STXBP5L: variants seen among roughly 807,000 people sequenced by gnomAD.
STXBP5L encodes the protein syntaxin binding protein 5L.
STXBP5L carries 65 observed loss-of-function variants against 144.5 expected under a neutral mutation model. The ratio of observed to expected loss-of-function variants is 0.45; its 90% CI spans 0.37 to 0.55. STXBP5L has a LOEUF of 0.55. STXBP5L is among the 20% of genes least tolerant of loss of function. STXBP5L has a pLI of 0.00. For missense variants in STXBP5L, 1,298 were observed against 1,405.5 expected (o/e 0.92, Z 1.22); for synonymous variants, 505 against 469.6 (o/e 1.08, Z -0.97).
chr3:121,054,948 G>A (rs1362440705), intron 5 of STXBP5L, among the ~76,000 whole-genome samples: 1 of 152,086 alleles, frequency 6.6e-6, no homozygotes. Flanking sequence ...TGAAGGCAAT[G>A]TTCTGGCCCC....
chr3:121,333,306 C>T (rs1280111943), intron 20 of STXBP5L, among the ~76,000 whole-genome samples: 1 of 151,948 alleles, frequency 6.6e-6, no homozygotes, highest in East Asian at 1.9e-4. Context: ...AGGCAGAAAT[C>T]AAGAAGTTCT....
Position 121,126,461 on chromosome 3 carries a change from A to C in STXBP5L, c.669+4757A>C, listed in dbSNP as rs193133515. On this transcript the variant is annotated intron_variant, in intron 7 of 26. Coordinates refer to ENST00000471454, the MANE Select transcript of STXBP5L (RefSeq NM_001308330.2). ...TGTCTAAAATAAGCAAACCTGTTGA[A>C]GGTACCAGGTGAAATGAATTAAACT... 5.0e-4 allele frequency among the ~76,000 whole-genome samples: 76 copies of C among 152,250 alleles called. No homozygotes were observed. In the East Asian group the frequency reaches 0.013, roughly 26 times the overall value.
At chr3:121,263,365 A>C (rs2050447919) in intron 18 of STXBP5L, among the ~76,000 whole-genome samples, 2 of 152,234 alleles carry the variant, frequency 1.3e-5, no homozygotes, top group African/African-American at 4.8e-5. Context: ...ACATGAGGAA[A>C]AACCAGCACA....
chr3:121,137,856 C>T (rs2045332434), intron 7 of STXBP5L, among the ~76,000 whole-genome samples: 1 of 152,104 alleles, frequency 6.6e-6, no homozygotes, highest in Non-Finnish European at 1.5e-5. Flanking sequence ...AACTTTTTTT[C>T]TGACATCCGG....
Position 121,195,456 on chromosome 3 carries a change from C to T in STXBP5L, c.878-10467C>T, listed in dbSNP as rs2047884573. Among the ~76,000 whole-genome samples the T allele has an allele frequency of 2.0e-5, 3 of 152,150 alleles. No homozygotes were observed. In the South Asian group the frequency reaches 6.2e-4, roughly 32 times the overall value. On this transcript the variant is annotated intron_variant, in intron 9 of 26. Coordinates refer to ENST00000471454, the MANE Select transcript of STXBP5L (RefSeq NM_001308330.2). Reference sequence around the variant, plus strand: ...CTTCTCCCCTCCCCTGCTTCACCCTCGCAACCACCATTCTACTTTCTCTAA... The same window carrying T: ...CTTCTCCCCTCCCCTGCTTCACCCTTGCAACCACCATTCTACTTTCTCTAA...
chr3:121,336,727 A>G (rs1209066851), intron 20 of STXBP5L, among the ~76,000 whole-genome samples: 1 of 152,210 alleles, frequency 6.6e-6, no homozygotes, highest in Non-Finnish European at 1.5e-5. Flanking sequence ...CACATCTAAC[A>G]TCTGACTCAG....
chr3:121,332,611 T>C (rs1015643763), intron 20 of STXBP5L, among the ~76,000 whole-genome samples: 2 of 151,994 alleles, frequency 1.3e-5, no homozygotes, highest in Non-Finnish European at 1.5e-5. Context: ...CCAAGAAATA[T>C]GGGATTACAT....
chr3:121,004,059 T>C (rs1399180704), intron 3 of STXBP5L, among the ~76,000 whole-genome samples: 1 of 152,032 alleles, frequency 6.6e-6, no homozygotes, highest in Non-Finnish European at 1.5e-5. Flanking sequence ...ATATGAACTT[T>C]AAAGTAGTTT....
intron 2 of STXBP5L, among the ~76,000 whole-genome samples, chr3:120,912,515 G>A (rs544058444): frequency 1.3e-5 from 2 of 151,408 alleles, no homozygotes; most frequent in East Asian, 3.9e-4. Flanking sequence ...ATGTTCGCTA[G>A]CCTTAAAAAA....
At chr3:121,338,833 C>G (rs1007039774) in intron 20 of STXBP5L, among the ~76,000 whole-genome samples, 42 of 151,968 alleles carry the variant, frequency 2.8e-4, no homozygotes, top group African/African-American at 9.7e-4. Context: ...TACCACCTCC[C>G]CAGCTTGAAT....
At chr3:121,113,399 C>A (rs934131170) in intron 5 of STXBP5L, among the ~76,000 whole-genome samples, 18 of 152,066 alleles carry the variant, frequency 1.2e-4, no homozygotes, top group Non-Finnish European at 2.6e-4. Flanking sequence ...ATTTCCTGTG[C>A]AACATTATTA....
chr3:121,100,014 A>G (rs1015188359), intron 5 of STXBP5L, among the ~76,000 whole-genome samples: 8 of 152,228 alleles, frequency 5.3e-5, no homozygotes, highest in African/African-American at 1.7e-4. Flanking sequence ...AGGACATTAC[A>G]TAATGATAAA....
At chr3:121,004,427 C>A (rs974183745) in intron 3 of STXBP5L, among the ~76,000 whole-genome samples, 6 of 151,806 alleles carry the variant, frequency 4.0e-5, no homozygotes, top group Admixed American at 3.9e-4. Context: ...CTGAAGTTGC[C>A]TATCAGCTTA....
At chr3:121,136,947 G>A (rs1421069262) in intron 7 of STXBP5L, among the ~76,000 whole-genome samples, 2 of 152,078 alleles carry the variant, frequency 1.3e-5, no homozygotes, top group East Asian at 3.9e-4. Context: ...GGGAGCTGGA[G>A]GCCATTATCC....
intron 3 of STXBP5L, among the ~76,000 whole-genome samples, chr3:120,964,918 A>G (rs1341147199): frequency 6.6e-6 from 1 of 152,096 alleles, no homozygotes; most frequent in African/African-American, 2.4e-5. Flanking sequence ...GTCTCTTTGT[A>G]TGTCTCTAAG....
At chr3:121,327,175 C>T (rs779156061) in intron 20 of STXBP5L, among the ~76,000 whole-genome samples, 5 of 152,050 alleles carry the variant, frequency 3.3e-5, no homozygotes, top group Non-Finnish European at 7.4e-5. Flanking sequence ...GAAAGACATA[C>T]GAATATACAG....
chr3:120,988,722 T>TA (rs1361562012), intron 3 of STXBP5L, among the ~76,000 whole-genome samples: 6 of 152,088 alleles, frequency 3.9e-5, no homozygotes, highest in Non-Finnish European at 7.4e-5. Flanking sequence ...TACATGAGCA[T>TA]ATTATGTAGT....
intron 19 of STXBP5L, among the ~76,000 whole-genome samples, chr3:121,314,035 G>T (rs370790164): frequency 1.1e-4 from 16 of 151,226 alleles, no homozygotes; most frequent in Non-Finnish European, 1.9e-4. Context: ...TTCCTAGATG[G>T]GATGGCGGCG....
chr3:121,375,897 C>A (rs2046168350), intron 20 of STXBP5L, among the ~76,000 whole-genome samples: 1 of 152,074 alleles, frequency 6.6e-6, no homozygotes, highest in Admixed American at 6.5e-5. Flanking sequence ...AAAATGTATT[C>A]TATGTATTGC....
Sources: gnomAD v4.1 joint callset for allele counts (sites outside exome capture counted in the v4.1 genomes callset) on GRCh38, gnomAD v4.1.1 for gene constraint, MANE v1.5 for transcripts, NCBI Gene and HGNC (gene_info 2026-07-23, HGNC 2026-07-21) for gene names.